GMPR: variants seen among roughly 807,000 people sequenced by gnomAD.
GMPR encodes the protein GMP reductase 1.
A neutral mutation model predicts 38.4 loss-of-function variants in GMPR; 31 were observed. That is an observed-to-expected ratio of 0.81 (90% confidence interval 0.61 to 1.09). The LOEUF is 1.09. Among genes scored for constraint, GMPR ranks in the 50% least tolerant of loss-of-function variants. The probability of loss-of-function intolerance (pLI) is 0.00; values close to 1 mark genes in which losing one functional copy is unlikely to be tolerated. For synonymous variants in GMPR, 162 were observed against 173.3 expected, an observed-to-expected ratio of 0.93 and a Z score of 0.51; for missense variants, 468 against 453.7, an observed-to-expected ratio of 1.03 and a Z score of -0.29.
chr6:16,273,460 G>A (rs1434487386), intron 4 of GMPR, among the ~76,000 whole-genome samples: 2 of 152,186 alleles, frequency 1.3e-5, no homozygotes, highest in Admixed American at 1.3e-4. Context: ...GAAAGAGCTT[G>A]TACTGTTTCC....
chr6:16,291,691 G>C (rs1471458301), intron 8 of GMPR, among the ~76,000 whole-genome samples: 1 of 152,126 alleles, frequency 6.6e-6, no homozygotes, highest in Non-Finnish European at 1.5e-5. Context: ...TTGGAGGACT[G>C]CTTGAGACCG....
chr6:16,275,336 G>A (rs1321410171), intron 5 of GMPR, among the ~76,000 whole-genome samples: 1 of 152,180 alleles, frequency 6.6e-6, no homozygotes, highest in Non-Finnish European at 1.5e-5. Flanking sequence ...AAACCAATAT[G>A]AGAGGAATCT....
At chr6:16,294,443 C>T (rs1183438869) in intron 8 of GMPR, among the ~76,000 whole-genome samples, 1 of 152,206 alleles carries the variant, frequency 6.6e-6, no homozygotes, top group Non-Finnish European at 1.5e-5. Context: ...TTTATGTCCT[C>T]CTCGTCCTGG....
intron 2 of GMPR, among the ~76,000 whole-genome samples, chr6:16,249,941 C>T (rs1758834514): frequency 6.6e-6 from 1 of 152,138 alleles, no homozygotes; most frequent in Admixed American, 6.5e-5. Flanking sequence ...TCTCTTTGGA[C>T]CATCAGTGCT....
chr6:16,246,413 C>T (rs924994212), intron 1 of GMPR, among the ~76,000 whole-genome samples: 18 of 152,234 alleles, frequency 1.2e-4, no homozygotes, highest in East Asian at 1.9e-4. Flanking sequence ...AATTGTGTGG[C>T]GCTCACTGCA....
intron 4 of GMPR, among the ~76,000 whole-genome samples, chr6:16,265,665 G>T (rs1007239962): frequency 6.9e-6 from 1 of 145,434 alleles, no homozygotes; most frequent in African/African-American, 2.4e-5. Flanking sequence ...AAGCAGCGCT[G>T]TGTCTAGCTA....
At chr6:16,249,598 CA>C (rs1221188517) in intron 2 of GMPR, among the ~76,000 whole-genome samples, 8 of 152,206 alleles carry the variant, frequency 5.3e-5, no homozygotes, top group Non-Finnish European at 8.8e-5. Flanking sequence ...GCTGGGATTA[CA>C]GGCGTAAGCC....
At chr6:16,255,907 T>A (rs1156455781) in intron 4 of GMPR, among the ~76,000 whole-genome samples, 1 of 152,144 alleles carries the variant, frequency 6.6e-6, no homozygotes, top group Admixed American at 6.5e-5. Context: ...TTCAAACACA[T>A]AGGAAGAAAG....
intron 2 of GMPR, among the ~76,000 whole-genome samples, chr6:16,247,436 G>A (rs1050291564): frequency 1.3e-5 from 2 of 150,888 alleles, no homozygotes; most frequent in South Asian, 2.1e-4. Flanking sequence ...GTACAGTGAC[G>A]TGATCTTGGC....
intron 6 of GMPR, among the ~76,000 whole-genome samples, chr6:16,280,731 G>A (rs1759558486): frequency 6.6e-6 from 1 of 152,170 alleles, no homozygotes; most frequent in African/African-American, 2.4e-5. Flanking sequence ...CCCCATCCTA[G>A]TGAACTGGCT....
chr6:16,272,260 A>G (rs924258293), intron 4 of GMPR, among the ~76,000 whole-genome samples: 7 of 152,208 alleles, frequency 4.6e-5, no homozygotes, highest in African/African-American at 1.4e-4. Context: ...CATCACATGG[A>G]TAGGTCATAA....
At chr6:16,260,603 A>C (rs917957488) in intron 4 of GMPR, among the ~76,000 whole-genome samples, 2 of 152,018 alleles carry the variant, frequency 1.3e-5, no homozygotes, top group African/African-American at 4.8e-5. Context: ...CAGATGGAAC[A>C]CTGAGAAGTT....
At chr6:16,249,817 C>T (rs1394826596) in intron 2 of GMPR, among the ~76,000 whole-genome samples, 1 of 152,192 alleles carries the variant, frequency 6.6e-6, no homozygotes, top group Admixed American at 6.5e-5. Context: ...AGAAGTGTTC[C>T]GGTTGTGAGC....
intron 4 of GMPR, among the ~76,000 whole-genome samples, chr6:16,271,976 C>T (rs747427825): frequency 6.6e-6 from 1 of 152,072 alleles, no homozygotes; most frequent in African/African-American, 2.4e-5. Context: ...TTTGGGAGGC[C>T]AAAGTGGGCA....
chr6:16,278,934 C>A (rs1443199801), intron 6 of GMPR, 44 bp downstream of exon 6: 3 of 1,191,740 alleles, frequency 2.5e-6, no homozygotes, highest in African/African-American at 1.5e-5. Flanking sequence ...CTTGGGAGGC[C>A]CCTGCTCCCT....
At chr6:16,294,211 G>C (rs1262652909) in intron 8 of GMPR, among the ~76,000 whole-genome samples, 1 of 152,228 alleles carries the variant, frequency 6.6e-6, no homozygotes, top group Non-Finnish European at 1.5e-5. Context: ...AGCCTCTGGT[G>C]CTAAGACAGG....
Position 16,278,517 on chromosome 6 carries a change from G to A in GMPR, c.548-267G>A, listed in dbSNP as rs552217773. Among the ~76,000 whole-genome samples, 5 of 152,328 alleles carry A rather than the reference G, an allele frequency of 3.3e-5. No homozygotes were observed. The East Asian group carries it at 9.7e-4, about 29-fold the overall frequency. ...GCCAGTGCCACAGGGAGGAGTGGCA[G>A]TGACAGGTGCATGGTAGAGGGGAAG... On this transcript the variant is annotated intron_variant, in intron 5 of 8. Coordinates refer to ENST00000259727, the MANE Select transcript of GMPR (RefSeq NM_006877.4).
intron 4 of GMPR, among the ~76,000 whole-genome samples, chr6:16,255,358 A>G (rs1350322305): frequency 1.3e-5 from 2 of 152,076 alleles, no homozygotes; most frequent in Non-Finnish European, 2.9e-5. Context: ...CTTAACAGAG[A>G]GTGTATTTTA....
intron 5 of GMPR, 43 bp downstream of exon 5, chr6:16,274,539 G>T: frequency 8.8e-7 from 1 of 1,135,162 alleles, no homozygotes; most frequent in South Asian, 1.2e-5. Flanking sequence ...GTGTGGGGAA[G>T]AATGGGATCT....
Sources: gnomAD v4.1 joint callset for allele counts (sites outside exome capture counted in the v4.1 genomes callset) on GRCh38, gnomAD v4.1.1 for gene constraint, MANE v1.5 for transcripts, NCBI Gene and HGNC (gene_info 2026-07-23, HGNC 2026-07-21) for gene names.